Variants in CELF5 observed in about 807,000 individuals in gnomAD.
CELF5 encodes CUG-BP and ETR-3 like factor 5.
Under a neutral mutation model 54.9 loss-of-function variants are expected in CELF5, and 6 were observed. The observed-to-expected ratio is 0.11, with a 90% CI of 0.06 to 0.22. The LOEUF (loss-of-function observed/expected upper bound fraction) is 0.22, where lower values mean the gene tolerates loss of function less well. CELF5 is among the 10% of genes least tolerant of loss of function. CELF5 has a pLI of 1.00. For synonymous variants in CELF5, 271 were observed against 290.9 expected (o/e 0.93, Z 0.70); for missense variants, 401 against 678.6 (o/e 0.59, Z 4.54).
rs1444894090 is a variant in CELF5 at position 3,281,328 on chromosome 19, A to G, written c.733A>G (p.Ser245Gly). The change falls in exon 6 of 13, where the codon AGT (serine) becomes GGT (glycine). Residue 245 changes from serine to glycine, a missense_variant. Physicochemically the swap from Ser to Gly is moderately conservative, Grantham distance 56. This residue lies in a region of CELF5 where 87 missense variants were observed against 190.2 expected (regional missense o/e 0.46). Transcript: ENST00000292672. This position sits in a 1 kb window ranked among gnomAD's most constrained non-coding sequence, Gnocchi z 6.5. ...CCTCACATTGCCCTTCAGCCCCTAC[A>G]GTGCCTACGCCCAGGCTGTGAGTGA... is the stretch of plus-strand genomic sequence containing the variant. ...PSLTLPFSPY[S>G]AYAQALMQQQ... 5.0e-6 allele frequency: 8 copies of G among 1,609,336 alleles called. No individual in the cohort carries two copies. The highest frequency in any genetic ancestry group is 2.7e-5 in the African/African-American group (2 of 75,050).
intron 2 of CELF5, among the ~76,000 whole-genome samples, chr19:3,269,033 T>C (rs2079921730): frequency 6.6e-6 from 1 of 152,020 alleles, no homozygotes; most frequent in Non-Finnish European, 1.5e-5. Context: ...GGGGAGGGGC[T>C]TGGCCTGGGT....
chr19:3,274,066 G>A, intron 3 of CELF5, 143 bp downstream of exon 3: 1 of 764,972 alleles, frequency 1.3e-6, no homozygotes, highest in East Asian at 2.7e-5. Flanking sequence ...CCCAAAGCAT[G>A]CAGTAGTCGC....
intron 1 of CELF5, among the ~76,000 whole-genome samples, chr19:3,244,474 G>A (rs1043401129): frequency 8.7e-5 from 13 of 148,764 alleles, no homozygotes; most frequent in African/African-American, 2.7e-4. Flanking sequence ...GTGTGTGCAT[G>A]CATCTGTGTG....
rs866621951 is a variant in CELF5 at position 3,228,704 on chromosome 19, G to C, written c.259+3706G>C. Among the ~76,000 whole-genome samples, 1 of 151,854 alleles carries C rather than the reference G, an allele frequency of 6.6e-6. No homozygotes were observed. Among genetic ancestry groups the C allele is most frequent in the Non-Finnish European group, 1.5e-5 (1 of 67,910 alleles). Reference sequence around the variant, plus strand: ...GGCTCGACTCGGGAGGGGGGGAGGAGGAGGCTGTAGCAGGCTGAGCTCTGA... The same window carrying C: ...GGCTCGACTCGGGAGGGGGGGAGGACGAGGCTGTAGCAGGCTGAGCTCTGA... On this transcript the variant is annotated intron_variant, in intron 1 of 12. Coordinates refer to ENST00000292672, the MANE Select transcript of CELF5 (RefSeq NM_021938.4). The surrounding 1 kb of genome is among the most constrained non-coding windows in gnomAD (Gnocchi z 6.0).
Position 3,285,608 on chromosome 19 carries a change from C to T in CELF5, c.1103-334C>T, listed in dbSNP as rs562850100. On this transcript the variant is annotated intron_variant, in intron 9 of 12. Transcript: ENST00000292672. ...CTCTGGACTGTCCTGTAGCCTTGGC[C>T]CCGCCCTCTACTGTGGCCCAACCCC... 1.6e-3 allele frequency among the ~76,000 whole-genome samples: 242 copies of T among 148,760 alleles called. 1 individual carries two copies. The highest frequency in any genetic ancestry group is 3.1e-3 in the Non-Finnish European group (208 of 66,968).
Position 3,281,128 on chromosome 19 carries a change from G to A in CELF5, c.604-71G>A. The A allele has an allele frequency of 6.5e-7, 1 of 1,548,020 alleles. No individual in the cohort carries two copies. Among genetic ancestry groups the A allele is most frequent in the Non-Finnish European group, 8.8e-7 (1 of 1,140,554 alleles). ...TCACCCAGGAGGCCTGAGCTAACAT[G>A]AATCCAGGGACCCCAGAGTCCTGGC... is the stretch of plus-strand genomic sequence containing the variant. On this transcript the variant is annotated intron_variant, in intron 5 of 12. Transcript: ENST00000292672. The surrounding 1 kb of genome is among the most constrained non-coding windows in gnomAD (Gnocchi z 6.5).
chr19:3,296,350 A>G (rs940365972), intron 12 of CELF5: 1 of 148,980 alleles, frequency 6.7e-6, no homozygotes, highest in Non-Finnish European at 1.5e-5. Flanking sequence ...AAAAAAAAAA[A>G]AAAAACCAAG....
chr19:3,277,866 T>A (rs1260194377), intron 4 of CELF5, among the ~76,000 whole-genome samples, 165 bp from the exon 5 acceptor site: 1 of 152,220 alleles, frequency 6.6e-6, no homozygotes, highest in African/African-American at 2.4e-5. Flanking sequence ...ATTGTCCAGC[T>A]GTCCGTCTGA....
intron 11 of CELF5, 38 bp from the exon 12 acceptor site, chr19:3,293,281 G>A (rs533292829): frequency 2.2e-5 from 36 of 1,611,722 alleles, no homozygotes; most frequent in African/African-American, 6.7e-5. Flanking sequence ...GAGGACACCC[G>A]CAGCGCCAAC....
At chr19:3,226,185 GC>G (rs1488740915) in intron 1 of CELF5, among the ~76,000 whole-genome samples, 1 of 152,134 alleles carries the variant, frequency 6.6e-6, no homozygotes, top group Non-Finnish European at 1.5e-5. Context: ...AAGGACCGGG[GC>G]CCATGACCTA....
intron 1 of CELF5, among the ~76,000 whole-genome samples, chr19:3,239,211 C>A (rs539834371): frequency 6.6e-6 from 1 of 151,968 alleles, no homozygotes. Context: ...GGGATCCTCC[C>A]GCCTCAGCCC....
Position 3,293,478 on chromosome 19 carries a change from A to G in CELF5, c.*32A>G. The G allele has an allele frequency of 1.9e-6, 3 of 1,611,792 alleles. No homozygotes were observed. Among genetic ancestry groups the G allele is most frequent in the South Asian group, 1.1e-5 (1 of 90,980 alleles). On this transcript the variant is annotated 3_prime_UTR_variant, in exon 12 of 13. Transcript: ENST00000292672. ...CCACAGCCGCCCTGAGGCTGTAGGC[A>G]TGGCCCAGGTGAGCCGCCAGGCGGC...
intron 2 of CELF5, among the ~76,000 whole-genome samples, chr19:3,269,575 C>T (rs965772242): frequency 1.3e-5 from 2 of 152,190 alleles, no homozygotes; most frequent in African/African-American, 4.8e-5. Flanking sequence ...CTCCTGCAGT[C>T]GTTCCCATTC....
chr19:3,251,864 G>A (rs1312056981), intron 2 of CELF5, among the ~76,000 whole-genome samples: 11 of 151,786 alleles, frequency 7.2e-5, no homozygotes, highest in Admixed American at 7.2e-4. Context: ...TAGTAGAGAC[G>A]GGGTTTTGCC....
intron 1 of CELF5, among the ~76,000 whole-genome samples, chr19:3,242,141 A>G (rs1210154011): frequency 6.6e-6 from 1 of 152,176 alleles, no homozygotes; most frequent in Non-Finnish European, 1.5e-5. Context: ...GTTCTTCCTC[A>G]TATTCCTTGG....
At chr19:3,262,229 A>G (rs980651952) in intron 2 of CELF5, among the ~76,000 whole-genome samples, 3 of 152,054 alleles carry the variant, frequency 2.0e-5, no homozygotes, top group African/African-American at 7.2e-5. Context: ...GCATTTCTCC[A>G]TGTTGGCCAG....
intron 1 of CELF5, among the ~76,000 whole-genome samples, chr19:3,239,159 G>C (rs1433483298): frequency 1.3e-5 from 2 of 152,014 alleles, no homozygotes; most frequent in African/African-American, 4.8e-5. Flanking sequence ...GAGTGCAGTG[G>C]TATGATCATA....
At chr19:3,271,851 G>A (rs2079970537) in intron 2 of CELF5, among the ~76,000 whole-genome samples, 1 of 151,884 alleles carries the variant, frequency 6.6e-6, no homozygotes, top group South Asian at 2.1e-4. Flanking sequence ...AGAGCTCAGT[G>A]GGGAGACTTT....
At chr19:3,270,509 G>C (rs1050777053) in intron 2 of CELF5, 1 of 149,936 alleles carries the variant, frequency 6.7e-6, no homozygotes, top group African/African-American at 2.4e-5. Context: ...CCCGGCTCGG[G>C]CGGGCAGCGC....
Sources: gnomAD v4.1 joint callset for allele counts (sites outside exome capture counted in the v4.1 genomes callset) on GRCh38, gnomAD v4.1.1 for gene constraint, gnomAD v4.1.1 regional missense constraint, Gnocchi (gnomAD v3.1) non-coding constraint, MANE v1.5 for transcripts, NCBI Gene and HGNC (gene_info 2026-07-23, HGNC 2026-07-21) for gene names.